POU2F2: variants seen among roughly 807,000 people sequenced by gnomAD.
The protein encoded by POU2F2 is POU domain, class 2, transcription factor 2.
Under a neutral mutation model 63.5 loss-of-function variants are expected in POU2F2, and 14 were observed. The observed-to-expected ratio is 0.22, with a 90% CI of 0.15 to 0.34. The LOEUF is 0.34. Among genes scored for constraint, POU2F2 ranks in the 10% least tolerant of loss-of-function variants. POU2F2 has a pLI of 1.00. For synonymous variants in POU2F2, 306 were observed against 348.6 expected (o/e 0.88, Z 1.36); for missense variants, 607 against 815.2 (o/e 0.74, Z 3.11).
intron 5 of POU2F2, among the ~76,000 whole-genome samples, chr19:42,108,206 T>C (rs2146469433): frequency 6.6e-6 from 1 of 152,346 alleles, no homozygotes; most frequent in African/African-American, 2.4e-5. Flanking sequence ...CACAGACTTA[T>C]CTACCTCATT....
intron 1 of POU2F2, among the ~76,000 whole-genome samples, chr19:42,165,082 T>A (rs182093535): frequency 6.6e-6 from 1 of 152,236 alleles, no homozygotes; most frequent in Non-Finnish European, 1.5e-5. Flanking sequence ...AATGAACATG[T>A]GTCACACCAT....
rs2034454940 is a variant in POU2F2 at position 42,156,296 on chromosome 19, C to G, written c.-9+4036G>C. 6.6e-6 allele frequency: 1 copy of G among 152,374 alleles called. No homozygotes were observed. 9.4% of individuals were successfully genotyped at this position (152,374 alleles called of 1,614,324 possible). A position where few individuals can be genotyped will look rare whatever the true frequency, so the allele number is the denominator to read the frequency against. The stretch of plus-strand genomic sequence containing the variant: ...CACATCTATAATCCCCACCCCATGG[C>G]TGACAAATATTCCCAGTCCACAGCT... On this transcript the variant is annotated intron_variant, in intron 2 of 6. Coordinates refer to the POU2F2 transcript ENST00000524801. This position sits in a 1 kb window ranked among gnomAD's most constrained non-coding sequence, Gnocchi z 4.1.
In POU2F2 at chr19:42,128,466, T is replaced by C. The variant is rs536822404; in HGVS notation, c.28+3918A>G. On this transcript the variant is annotated intron_variant, in intron 1 of 14. Coordinates refer to ENST00000692977, the MANE Select transcript of POU2F2 (RefSeq NM_001394376.1). Reference sequence around the variant, plus strand: ...TCCCTGCATACTCCCTGCCCCACACTTGGCTGGGTCACAACAAAATGGCCA... The same window carrying C: ...TCCCTGCATACTCCCTGCCCCACACCTGGCTGGGTCACAACAAAATGGCCA... Among the ~76,000 whole-genome samples the C allele has an allele frequency of 6.6e-5, 10 of 152,294 alleles. No homozygotes were observed. The South Asian group carries it at 2.1e-3, about 32-fold the overall frequency.
chr19:42,181,327 T>G (rs2034957921), intron 1 of POU2F2, among the ~76,000 whole-genome samples: 3 of 152,244 alleles, frequency 2.0e-5, no homozygotes, highest in East Asian at 3.9e-4. Context: ...ATAGCATAAT[T>G]CCAGAAGTAC....
At position 42,145,763 on chromosome 19, in the gene POU2F2, G is replaced by A. The variant is rs552998856; in HGVS notation, c.-9+14569C>T. Among the ~76,000 whole-genome samples the A allele has an allele frequency of 1.3e-4, 20 of 152,204 alleles. No homozygotes were observed. In the East Asian group the frequency reaches 3.5e-3, roughly 26 times the overall value. On this transcript the variant is annotated intron_variant, in intron 2 of 6. Transcript: ENST00000524801. ...CAGCCTGACCAACACAGTGAAATCC[G>A]TCTCTACTAAAAATACCAAAATTAG...
In POU2F2 at chr19:42,153,433, T is replaced by G. The variant is rs780754010; in HGVS notation, c.-9+6899A>C. 6.6e-6 allele frequency among the ~76,000 whole-genome samples: 1 copy of G among 152,172 alleles called. No individual in the cohort carries two copies. Among genetic ancestry groups the G allele is most frequent in the Non-Finnish European group, 1.5e-5 (1 of 68,016 alleles). Reference sequence around the variant, plus strand: ...GTCCCCAGTTAATGGGGTAGCTATGTGTTCCCATGTGCTCTGGGAAGCCTG... The same window carrying G: ...GTCCCCAGTTAATGGGGTAGCTATGGGTTCCCATGTGCTCTGGGAAGCCTG... On this transcript the variant is annotated intron_variant, in intron 2 of 6. Coordinates refer to the POU2F2 transcript ENST00000524801. The surrounding 1 kb of genome is among the most constrained non-coding windows in gnomAD (Gnocchi z 5.6).
At chr19:42,099,876 CCT>C in intron 5 of POU2F2, 55 bp from the exon 6 acceptor site, 1 of 1,413,076 alleles carries the variant, frequency 7.1e-7, no homozygotes, top group Non-Finnish European at 9.8e-7. Context: ...TGGGTTTCAT[CCT>C]CTCTGCATCA....
intron 5 of POU2F2, among the ~76,000 whole-genome samples, chr19:42,109,995 G>A (rs933538945): frequency 6.6e-6 from 1 of 152,006 alleles, no homozygotes; most frequent in Non-Finnish European, 1.5e-5. Context: ...AGTGACTCAC[G>A]CTTATAATCC....
intron 1 of POU2F2, among the ~76,000 whole-genome samples, chr19:42,166,110 A>G (rs937004221): frequency 1.3e-5 from 2 of 152,194 alleles, no homozygotes; most frequent in African/African-American, 2.4e-5. Flanking sequence ...TTGCTGCCGC[A>G]ATGGCCCCCA....
intron 1 of POU2F2, among the ~76,000 whole-genome samples, chr19:42,130,156 T>C (rs542660583): frequency 1.8e-4 from 28 of 151,910 alleles, no homozygotes; most frequent in Admixed American, 5.2e-4. Context: ...AACACAGACA[T>C]ACACCCTCCC....
chr19:42,168,577 C>T (rs1007864021), intron 1 of POU2F2, among the ~76,000 whole-genome samples: 1 of 152,180 alleles, frequency 6.6e-6, no homozygotes, highest in African/African-American at 2.4e-5. Flanking sequence ...TCCTGGGCTC[C>T]CCACTCAGCA....
intron 1 of POU2F2, among the ~76,000 whole-genome samples, chr19:42,187,495 C>T (rs2035025620): frequency 6.8e-6 from 1 of 147,010 alleles, no homozygotes; most frequent in South Asian, 2.2e-4. Context: ...GGTGAGGTGG[C>T]TCAAGCTTGT....
intron 1 of POU2F2, among the ~76,000 whole-genome samples, chr19:42,190,097 AGAG>A (rs1194354235): frequency 6.6e-6 from 1 of 152,130 alleles, no homozygotes; most frequent in Non-Finnish European, 1.5e-5. Context: ...GAAGGAAGAC[AGAG>A]AAGAGGGAAG....
chr19:42,175,142 G>T (rs2034848351), intron 1 of POU2F2, among the ~76,000 whole-genome samples: 1 of 152,082 alleles, frequency 6.6e-6, no homozygotes, highest in Non-Finnish European at 1.5e-5. Context: ...CCTCACTTAA[G>T]ATCTTCCCCT....
At chr19:42,099,657 G>A (rs1422038433) in intron 6 of POU2F2, 39 bp from the exon 7 acceptor site, 19 of 1,604,456 alleles carry the variant, frequency 1.2e-5, no homozygotes, top group Non-Finnish European at 1.6e-5. Flanking sequence ...TGAGGGGGAG[G>A]GGAAGGTGAG....
Position 42,092,008 on chromosome 19 carries a change from C to G in POU2F2, c.1466+61G>C. 1 of 1,545,184 alleles carries G rather than the reference C, an allele frequency of 6.5e-7. No homozygotes were observed. ...GCCAACATAACTGGGGTGCCGCTCC[C>G]CACCCTAGAAGCAGCAGCGACCCTG... On this transcript the variant is annotated intron_variant, in intron 13 of 14. Transcript: ENST00000692977. This position sits in a 1 kb window ranked among gnomAD's most constrained non-coding sequence, Gnocchi z 5.0.
chr19:42,171,223 G>A (rs2034758413), intron 1 of POU2F2, among the ~76,000 whole-genome samples: 1 of 152,232 alleles, frequency 6.6e-6, no homozygotes, highest in Non-Finnish European at 1.5e-5. Flanking sequence ...GTTTGAGTAT[G>A]TGTGGAAGTC....
At chr19:42,142,185 A>G (rs2034141628) in intron 2 of POU2F2, among the ~76,000 whole-genome samples, 1 of 152,132 alleles carries the variant, frequency 6.6e-6, no homozygotes. Flanking sequence ...TAGTAACTTC[A>G]GTTTTGGTTT....
chr19:42,135,142 A>G (rs2033977719), upstream of POU2F2, among the ~76,000 whole-genome samples: 1 of 152,080 alleles, frequency 6.6e-6, no homozygotes, highest in Non-Finnish European at 1.5e-5. Context: ...AGGGAACCCA[A>G]GGGTTCTTTC....
Sources: allele counts gnomAD v4.1 joint callset (sites outside exome capture counted in the v4.1 genomes callset), GRCh38; gene constraint gnomAD v4.1.1; non-coding constraint Gnocchi (gnomAD v3.1); transcripts MANE v1.5; gene names NCBI Gene and HGNC (gene_info 2026-07-23, HGNC 2026-07-21).